ULK4: variants seen among roughly 807,000 people sequenced by gnomAD.
ULK4 encodes unc-51 like kinase 4.
In ULK4, 133 loss-of-function variants were observed where a neutral mutation model predicts 160.6. That is an observed-to-expected ratio of 0.83 (90% CI 0.72 to 0.96). ULK4 has a LOEUF of 0.96. Among genes scored for constraint, ULK4 ranks in the 40% least tolerant of loss-of-function variants. The pLI, the probability that ULK4 is intolerant of heterozygous loss-of-function variation, is 0.00. For missense variants in ULK4, 1,580 were observed against 1,499.5 expected (o/e 1.05, Z -0.89); for synonymous variants, 534 against 539.8 (o/e 0.99, Z 0.15).
At chr3:41,372,946 T>C (rs2081399794) in intron 35 of ULK4, among the ~76,000 whole-genome samples, 1 of 152,060 alleles carries the variant, frequency 6.6e-6, no homozygotes, top group Non-Finnish European at 1.5e-5. Flanking sequence ...TGAAGGAAGA[T>C]TTAGCAAGCA....
chr3:41,427,124 A>T (rs1356270064), intron 34 of ULK4, among the ~76,000 whole-genome samples: 1 of 152,226 alleles, frequency 6.6e-6, no homozygotes. Context: ...ACCAAACAAT[A>T]CTATAAACAT....
At chr3:41,581,542 T>C (rs953388271) in intron 31 of ULK4, among the ~76,000 whole-genome samples, 28 of 152,166 alleles carry the variant, frequency 1.8e-4, no homozygotes, top group Admixed American at 1.7e-3. Context: ...TCACAGAAAA[T>C]AGACTATTTT....
intron 25 of ULK4, among the ~76,000 whole-genome samples, chr3:41,713,147 T>C (rs1053340756): frequency 6.6e-6 from 1 of 152,156 alleles, no homozygotes; most frequent in Non-Finnish European, 1.5e-5. Context: ...AATTAAAAAT[T>C]ATTTTAAAGC....
At chr3:41,895,637 A>G in intron 15 of ULK4, 73 bp from the exon 16 acceptor site, 1 of 966,458 alleles carries the variant, frequency 1.0e-6, no homozygotes, top group Non-Finnish European at 1.5e-6. Flanking sequence ...AGAAAATGAC[A>G]GCAAAGTTAA....
At chr3:41,887,389 C>T (rs4973992) in intron 16 of ULK4, among the ~76,000 whole-genome samples, 132,929 of 152,252 alleles carry the variant, frequency 0.87, 59,724 homozygotes, top group Non-Finnish European at 0.98. Flanking sequence ...TTAAAAATGA[C>T]TTTATATTGG....
intron 35 of ULK4, among the ~76,000 whole-genome samples, chr3:41,367,992 T>G (rs987168612): frequency 2.6e-5 from 4 of 152,180 alleles, no homozygotes; most frequent in African/African-American, 9.6e-5. Flanking sequence ...ACTTTCTTCT[T>G]TTTGCTCGTG....
At chr3:41,938,344 G>A (rs1457492751) in intron 2 of ULK4, 147 bp from the exon 3 acceptor site, 13 of 612,638 alleles carry the variant, frequency 2.1e-5, no homozygotes, top group Non-Finnish European at 3.3e-5. Flanking sequence ...AGAAATCATG[G>A]TTATGAGGGC....
At chr3:41,935,193 T>TTTTATTTATTTA (rs1293341758) in intron 4 of ULK4, among the ~76,000 whole-genome samples, 436 of 23,516 alleles carry the variant, frequency 0.019, 8 homozygotes, top group East Asian at 0.15. Context: ...TTTTTTGTGT[T>TTTTATTTATTTA]TTTATTTATT....
chr3:41,395,622 AAGG>A (rs1255963798), intron 35 of ULK4, among the ~76,000 whole-genome samples: 2 of 152,142 alleles, frequency 1.3e-5, no homozygotes, highest in African/African-American at 4.8e-5. Context: ...GCACTGGGAG[AAGG>A]AGGAGTGGGA....
At chr3:41,601,710 AAAAG>A in intron 31 of ULK4, among the ~76,000 whole-genome samples, 3 of 152,302 alleles carry the variant, frequency 2.0e-5, no homozygotes, top group Non-Finnish European at 4.4e-5. Flanking sequence ...AAAATAATAA[AAAAG>A]AACACACTTG....
chr3:41,305,748 C>T (rs989912470), intron 35 of ULK4, among the ~76,000 whole-genome samples: 2 of 149,976 alleles, frequency 1.3e-5, no homozygotes, highest in Admixed American at 6.6e-5. Context: ...CGTCTCTGCC[C>T]GGCCGCCGTC....
intron 21 of ULK4, among the ~76,000 whole-genome samples, chr3:41,770,129 CAT>C (rs1006601491): frequency 6.6e-6 from 1 of 152,182 alleles, no homozygotes; most frequent in African/African-American, 2.4e-5. Flanking sequence ...AATATACACA[CAT>C]AATCCGATTA....
chr3:41,684,977 G>A (rs1477435071), intron 27 of ULK4, among the ~76,000 whole-genome samples: 2 of 152,234 alleles, frequency 1.3e-5, no homozygotes, highest in Non-Finnish European at 2.9e-5. Context: ...CTTCTGGGAA[G>A]ACCAATGACA....
At chr3:41,366,975 T>C (rs373526693) in intron 35 of ULK4, among the ~76,000 whole-genome samples, 1 of 152,238 alleles carries the variant, frequency 6.6e-6, no homozygotes, top group Non-Finnish European at 1.5e-5. Flanking sequence ...CTTCTGTCAG[T>C]GTATTGTTAT....
intron 32 of ULK4, among the ~76,000 whole-genome samples, chr3:41,469,627 A>AAAAAAAAAAAAAAAAAAC (rs2083925323): frequency 7.0e-6 from 1 of 142,898 alleles, no homozygotes; most frequent in Non-Finnish European, 1.5e-5. Flanking sequence ...AAAAAAAAAA[A>AAAAAAAAAAAAAAAAAAC]CACCTTAAAA....
chr3:41,723,035 T>C (rs2037528104), intron 22 of ULK4, among the ~76,000 whole-genome samples: 1 of 152,158 alleles, frequency 6.6e-6, no homozygotes, highest in Non-Finnish European at 1.5e-5. Context: ...AGTGTATGCG[T>C]TCCCTCTGAG....
chr3:41,642,103 A>AC (rs1456812895), intron 30 of ULK4, among the ~76,000 whole-genome samples: 1 of 151,016 alleles, frequency 6.6e-6, no homozygotes, highest in Non-Finnish European at 1.5e-5. Flanking sequence ...CGAACCCCTG[A>AC]CCTCAGGTGA....
chr3:41,730,963 T>C (rs752631104), intron 22 of ULK4, among the ~76,000 whole-genome samples: 9 of 152,184 alleles, frequency 5.9e-5, no homozygotes, highest in South Asian at 4.1e-4. Flanking sequence ...GGGAAAAAAC[T>C]TGATAAAAGT....
At chr3:41,606,767 G>C (rs1451477351) in intron 31 of ULK4, among the ~76,000 whole-genome samples, 2 of 151,974 alleles carry the variant, frequency 1.3e-5, no homozygotes, top group African/African-American at 4.8e-5. Flanking sequence ...ATCTTCTTTT[G>C]AGAAATGTCT....
Sources: gnomAD v4.1 joint callset for allele counts (sites outside exome capture counted in the v4.1 genomes callset) on GRCh38, gnomAD v4.1.1 for gene constraint, MANE v1.5 for transcripts, NCBI Gene and HGNC (gene_info 2026-07-23, HGNC 2026-07-21) for gene names.